LRRC49: variants seen among roughly 807,000 people sequenced by gnomAD.
LRRC49 encodes leucine-rich repeat-containing protein 49.
A neutral mutation model predicts 83.3 loss-of-function variants in LRRC49; 50 were observed. That is an observed-to-expected ratio of 0.60 (90% confidence interval 0.48 to 0.76). LRRC49 has a LOEUF of 0.76. Among genes scored for constraint, LRRC49 ranks in the 30% least tolerant of loss-of-function variants. The probability of loss-of-function intolerance (pLI) is 0.00; values close to 1 mark genes in which losing one functional copy is unlikely to be tolerated. For synonymous variants in LRRC49, 286 were observed against 283.3 expected (o/e 1.01, Z -0.10); for missense variants, 704 against 809.1 (o/e 0.87, Z 1.58).
intron 2 of LRRC49, among the ~76,000 whole-genome samples, chr15:70,876,939 C>T (rs2033164669): frequency 6.6e-6 from 1 of 152,202 alleles, no homozygotes; most frequent in Non-Finnish European, 1.5e-5. Context: ...TGGCAACATT[C>T]TGCTTGTCTA....
At position 70,886,249 on chromosome 15, in the gene LRRC49, AATT is replaced by A. The variant is rs559090712; in HGVS notation, c.19-7330_19-7328del. On this transcript the variant is annotated intron_variant, in intron 2 of 16. Transcript: ENST00000544974. ...ATTAATTGGGCTTAATTTAGGTTAG[AATT>A]ATTAATATCATGCAAAAGGTATTCC... 9.8e-5 allele frequency among the ~76,000 whole-genome samples: 15 copies of A among 152,292 alleles called. No individual in the cohort carries two copies. The South Asian group carries it at 2.5e-3, about 25-fold the overall frequency.
intron 1 of LRRC49, among the ~76,000 whole-genome samples, chr15:70,857,479 G>T (rs1447680572): frequency 6.6e-6 from 1 of 152,004 alleles, no homozygotes; most frequent in Non-Finnish European, 1.5e-5. Flanking sequence ...TTGGGCAACA[G>T]AGACCCCATC....
At chr15:70,940,804 A>G (rs568918462) in intron 8 of LRRC49, among the ~76,000 whole-genome samples, 2 of 152,214 alleles carry the variant, frequency 1.3e-5, no homozygotes, top group Admixed American at 1.3e-4. Context: ...TTTTCTGACC[A>G]TCTGCTAAGT....
At chr15:70,977,421 G>A (rs2037244559) in intron 9 of LRRC49, among the ~76,000 whole-genome samples, 1 of 152,182 alleles carries the variant, frequency 6.6e-6, no homozygotes, top group African/African-American at 2.4e-5. Flanking sequence ...GAAGTGGGCA[G>A]ATCACATGAG....
upstream of LRRC49, among the ~76,000 whole-genome samples, chr15:70,889,196 T>C (rs1442986240): frequency 1.3e-5 from 2 of 152,112 alleles, no homozygotes; most frequent in Non-Finnish European, 2.9e-5. Context: ...TGTTCAACAA[T>C]AGACAGACAA....
chr15:70,873,012 G>A, exon 2 of LRRC49: 2 of 580,990 alleles, frequency 3.4e-6, no homozygotes, highest in Non-Finnish European at 6.2e-6. Flanking sequence ...AGCATCCCGA[G>A]TAGCTGGGAT....
intron 13 of LRRC49, 32 bp from the exon 14 acceptor site, chr15:71,012,772 T>G (rs753839351): frequency 7.7e-7 from 1 of 1,295,158 alleles, no homozygotes; most frequent in Non-Finnish European, 1.1e-6. Context: ...GTTGGTGTCA[T>G]TTTTTTACCC....
chr15:70,939,855 T>G (rs375718398), intron 8 of LRRC49, among the ~76,000 whole-genome samples: 8 of 151,296 alleles, frequency 5.3e-5, no homozygotes, highest in East Asian at 3.9e-4. Context: ...AGGTTTTTTT[T>G]TTTTTTTTTT....
chr15:70,957,368 C>A (rs1424366616), intron 8 of LRRC49, among the ~76,000 whole-genome samples: 1 of 152,082 alleles, frequency 6.6e-6, no homozygotes, highest in East Asian at 1.9e-4. Context: ...ATATTATTTT[C>A]ACTTTTAAGT....
At chr15:70,907,923 T>C in intron 5 of LRRC49, 1 of 455,958 alleles carries the variant, frequency 2.2e-6, no homozygotes, top group South Asian at 1.5e-5. Flanking sequence ...CATCAATACC[T>C]AATCTGACCA....
Position 70,872,365 on chromosome 15 carries a change from G to C in LRRC49, c.-298-543G>C, listed in dbSNP as rs1009998536. On this transcript the variant is annotated intron_variant, in intron 1 of 16. Transcript: ENST00000544974. ...CGGCAGCACAGTCTAGCCTCGGCTC[G>C]GCATCAGAGGGAGACCGCGGAAAGT... 2.6e-5 allele frequency among the ~76,000 whole-genome samples: 4 copies of C among 151,840 alleles called. 1 individual carries two copies. In the South Asian group the frequency reaches 8.4e-4, roughly 32 times the overall value.
intron 2 of LRRC49, among the ~76,000 whole-genome samples, chr15:70,878,407 T>C (rs2033197106): frequency 6.6e-6 from 1 of 152,216 alleles, no homozygotes; most frequent in South Asian, 2.1e-4. Flanking sequence ...ATCTGTGCAT[T>C]TTGTTTTGCC....
At chr15:70,881,500 A>G (rs948610956) in intron 2 of LRRC49, 2 of 152,170 alleles carry the variant, frequency 1.3e-5, no homozygotes, top group African/African-American at 4.8e-5. Flanking sequence ...TAAAATTGAT[A>G]TTTATTTTTG....
At chr15:70,995,549 A>G (rs1008201313) in intron 11 of LRRC49, among the ~76,000 whole-genome samples, 1 of 152,210 alleles carries the variant, frequency 6.6e-6, no homozygotes, top group South Asian at 2.1e-4. Context: ...CAGAGGCCGT[A>G]CATCCTGTTC....
chr15:71,007,709 G>GTGTATATATATATATA (rs964626080), intron 11 of LRRC49, among the ~76,000 whole-genome samples: 33 of 137,696 alleles, frequency 2.4e-4, no homozygotes, highest in African/African-American at 8.7e-4. Context: ...TGAGAAGCAT[G>GTGTATATATATATATA]TATATATATA....
chr15:70,859,254 A>G, intron 1 of LRRC49: 1 of 972,050 alleles, frequency 1.0e-6, no homozygotes, highest in Non-Finnish European at 1.7e-6. Flanking sequence ...AAATATGAGG[A>G]TGAGATCAAT....
intron 14 of LRRC49, among the ~76,000 whole-genome samples, chr15:71,027,375 G>A (rs930622740): frequency 8.5e-5 from 13 of 152,110 alleles, no homozygotes; most frequent in Admixed American, 6.5e-5. Context: ...GTCAGGTAGC[G>A]TGATGCCTCC....
At chr15:70,956,036 G>T (rs1371253010) in intron 8 of LRRC49, among the ~76,000 whole-genome samples, 1 of 152,064 alleles carries the variant, frequency 6.6e-6, no homozygotes, top group East Asian at 1.9e-4. Flanking sequence ...TTTTCATTAA[G>T]ATTATTTCAG....
At chr15:70,963,027 G>C (rs564362854) in intron 8 of LRRC49, among the ~76,000 whole-genome samples, 5 of 151,928 alleles carry the variant, frequency 3.3e-5, no homozygotes, top group Middle Eastern at 3.2e-3. Flanking sequence ...AGCACTTTGG[G>C]GGGGCAAGGT....
Sources: allele counts gnomAD v4.1 joint callset (sites outside exome capture counted in the v4.1 genomes callset), GRCh38; gene constraint gnomAD v4.1.1; transcripts MANE v1.5; gene names NCBI Gene and HGNC (gene_info 2026-07-23, HGNC 2026-07-21).